ARIH2: variants seen among roughly 807,000 people sequenced by gnomAD.
ARIH2 encodes E3 ubiquitin-protein ligase ARIH2.
A neutral mutation model predicts 79.8 loss-of-function variants in ARIH2; 12 were observed. The observed-to-expected ratio is 0.15, with a 90% confidence interval of 0.10 to 0.24. The LOEUF is 0.24. Among genes scored for constraint, ARIH2 ranks in the 10% least tolerant of loss-of-function variants. The pLI, the probability that ARIH2 is intolerant of heterozygous loss-of-function variation, is 1.00. For missense variants in ARIH2, 301 were observed against 618.3 expected, an observed-to-expected ratio of 0.49 and a Z score of 5.44; for synonymous variants, 224 against 213.9, an observed-to-expected ratio of 1.05 and a Z score of -0.41.
At chr3:48,983,153 C>T (rs1178746924) in intron 15 of ARIH2, 46 bp from the exon 16 acceptor site, 3 of 1,608,276 alleles carry the variant, frequency 1.9e-6, no homozygotes, top group Non-Finnish European at 2.6e-6. Context: ...ACTCCTTGCT[C>T]CCAGGCCTGG....
intron 3 of ARIH2, among the ~76,000 whole-genome samples, chr3:48,945,706 G>C (rs1228897909): frequency 6.6e-6 from 1 of 152,172 alleles, no homozygotes; most frequent in Non-Finnish European, 1.5e-5. Flanking sequence ...GAATGCGGTG[G>C]AGGGGAAGGG....
intron 3 of ARIH2, among the ~76,000 whole-genome samples, chr3:48,949,474 T>TTA (rs139679047): frequency 6.6e-6 from 1 of 152,340 alleles, no homozygotes; most frequent in East Asian, 1.9e-4. Flanking sequence ...CCCACTAGCA[T>TTA]TATGTAAGGG....
chr3:48,930,314 T>A (rs1355076984), intron 3 of ARIH2, among the ~76,000 whole-genome samples: 2 of 152,130 alleles, frequency 1.3e-5, no homozygotes, highest in Non-Finnish European at 2.9e-5. Context: ...ATTTTTAAAA[T>A]TATATTTTAA....
At chr3:48,932,659 T>C (rs1018212625) in intron 3 of ARIH2, among the ~76,000 whole-genome samples, 1 of 152,220 alleles carries the variant, frequency 6.6e-6, no homozygotes, top group Non-Finnish European at 1.5e-5. Flanking sequence ...GGATCATGAC[T>C]GTGGAGCTGG....
intron 15 of ARIH2, 43 bp downstream of exon 15, chr3:48,983,022 G>A: frequency 6.3e-7 from 1 of 1,579,398 alleles, no homozygotes; most frequent in Non-Finnish European, 8.7e-7. Context: ...TGCAGGTAGA[G>A]GACTGGCATG....
intron 5 of ARIH2, 89 bp downstream of exon 5, chr3:48,965,071 G>T: frequency 7.8e-7 from 1 of 1,283,722 alleles, no homozygotes. Flanking sequence ...ATCTTTACTT[G>T]GCTGGGTGCG....
In ARIH2 at chr3:48,933,316, G is replaced by GGTGT. The variant is rs150441338; in HGVS notation, c.255+5522_255+5525dup. On this transcript the variant is annotated intron_variant, in intron 3 of 15. Transcript: ENST00000356401. ...CACAGGTGCGCACCACATGCCCGGG[G>GGTGT]GTGTGTGTGTGTGTGTGTGTGTTTT... Among the ~76,000 whole-genome samples the GGTGT allele has an allele frequency of 1.4e-3, 192 of 140,204 alleles. 3 individuals are homozygous for GGTGT. The highest frequency in any genetic ancestry group is 4.1e-3 in the African/African-American group (156 of 37,654). 92.0% of individuals were successfully genotyped at this position (140,204 alleles called of 152,430 possible).
chr3:48,962,773 C>T (rs773476081), intron 4 of ARIH2, among the ~76,000 whole-genome samples: 34 of 152,334 alleles, frequency 2.2e-4, no homozygotes, highest in East Asian at 1.7e-3. Context: ...TCAAATAACT[C>T]GTGGGGAGCA....
chr3:48,978,025 T>A (rs1222915926), intron 11 of ARIH2, among the ~76,000 whole-genome samples: 2 of 152,070 alleles, frequency 1.3e-5, no homozygotes, highest in Non-Finnish European at 2.9e-5. Flanking sequence ...TAAAATCTAA[T>A]AAGGTATTAT....
At chr3:48,956,571 C>T (rs2090611185) in intron 3 of ARIH2, among the ~76,000 whole-genome samples, 1 of 149,118 alleles carries the variant, frequency 6.7e-6, no homozygotes, top group Non-Finnish European at 1.5e-5. Flanking sequence ...GCTGGGACCA[C>T]AGGCATGAAC....
chr3:48,981,059 G>A (rs945189532), intron 13 of ARIH2, among the ~76,000 whole-genome samples: 1 of 141,864 alleles, frequency 7.0e-6, no homozygotes, highest in African/African-American at 2.6e-5. Context: ...GCAGGGTGCA[G>A]TGTCTCACGC....
intron 3 of ARIH2, among the ~76,000 whole-genome samples, chr3:48,942,558 A>T (rs939689337): frequency 2.6e-5 from 4 of 151,166 alleles, no homozygotes; most frequent in African/African-American, 9.7e-5. Context: ...GCTGGAGTGC[A>T]ACCTCCGCCT....
chr3:48,922,354 A>G (rs987176557), intron 1 of ARIH2: 6 of 151,898 alleles, frequency 4.0e-5, no homozygotes, highest in African/African-American at 1.4e-4. Flanking sequence ...CCCAGGCTCA[A>G]GTGCAGTGGC....
chr3:48,919,218 TC>T (rs2106727675), intron 1 of ARIH2: 4 of 1,265,722 alleles, frequency 3.2e-6, no homozygotes, highest in Middle Eastern at 3.0e-4. Flanking sequence ...TTCTCAGCTC[TC>T]GGAAAGGTCA....
intron 3 of ARIH2, among the ~76,000 whole-genome samples, chr3:48,957,090 A>T (rs549489792): frequency 4.6e-5 from 7 of 152,256 alleles, no homozygotes; most frequent in Non-Finnish European, 8.8e-5. Flanking sequence ...TCCATTTTAT[A>T]AAGTGGTAGG....
chr3:48,975,693 T>A lies in ARIH2; in HGVS notation c.961+714T>A, dbSNP rs989666048. On this transcript the variant is annotated intron_variant, in intron 11 of 15. Coordinates refer to ENST00000356401, the MANE Select transcript of ARIH2 (RefSeq NM_006321.4). ...AGTTCTCCTGCCTCAGCCTTCCAAA[T>A]AGCTGGGATTACAGGCATCTTCCAC... 5.3e-5 allele frequency among the ~76,000 whole-genome samples: 8 copies of A among 151,014 alleles called. No individual in the cohort carries two copies. The East Asian group carries it at 1.6e-3, about 29-fold the overall frequency.
chr3:48,975,028 TG>T, intron 11 of ARIH2, 49 bp downstream of exon 11: 3 of 1,614,166 alleles, frequency 1.9e-6, no homozygotes, highest in Non-Finnish European at 2.5e-6. Context: ...TTCTTGTGGT[TG>T]GGTCTCCGTT....
chr3:48,974,748 C>T (rs1037132429), intron 9 of ARIH2, 69 bp from the exon 10 acceptor site: 1 of 1,541,174 alleles, frequency 6.5e-7, no homozygotes, highest in African/African-American at 1.4e-5. Flanking sequence ...GTGCCAGGAG[C>T]TTTGTGTAAT....
chr3:48,935,187 C>G (rs959823301), intron 3 of ARIH2, among the ~76,000 whole-genome samples: 4 of 152,166 alleles, frequency 2.6e-5, no homozygotes, highest in Non-Finnish European at 5.9e-5. Flanking sequence ...GAACCTACTA[C>G]GCCTCCTGTT....
Sources: gnomAD v4.1 joint callset for allele counts (sites outside exome capture counted in the v4.1 genomes callset) on GRCh38, gnomAD v4.1.1 for gene constraint, MANE v1.5 for transcripts, NCBI Gene and HGNC (gene_info 2026-07-23, HGNC 2026-07-21) for gene names.